ERBIN: variants seen among roughly 807,000 people sequenced by gnomAD.
The protein encoded by ERBIN is erbb2 interacting protein.
A neutral mutation model predicts 158.4 loss-of-function variants in ERBIN; 60 were observed. The observed-to-expected ratio is 0.38, with a 90% CI of 0.31 to 0.47. The LOEUF (loss-of-function observed/expected upper bound fraction) is 0.47, where lower values mean the gene tolerates loss of function less well. Ranked by LOEUF, ERBIN falls within the 20% of genes least tolerant of loss-of-function variation. The pLI is 0.99. For missense variants in ERBIN, 1,610 were observed against 1,648.0 expected (o/e 0.98, Z 0.40); for synonymous variants, 594 against 557.2 (o/e 1.07, Z -0.93).
chr5:66,078,963 A>AT lies in ERBIN; in HGVS notation c.*433_*434insT, dbSNP rs1278221097. On this transcript the variant is annotated 3_prime_UTR_variant, in exon 26 of 26. Coordinates refer to ENST00000284037, the MANE Select transcript of ERBIN (RefSeq NM_001253697.2). ...AACTGGTATTAATGTTTTTCTCCTG[A>AT]AACTACTTTTTTTGATGTGGGCAAG... 2.5e-5 allele frequency: 4 copies of AT among 161,764 alleles called. No homozygotes were observed. The highest frequency in any genetic ancestry group is 5.4e-5 in the Non-Finnish European group (4 of 74,290). 10.0% of individuals were successfully genotyped at this position (161,764 alleles called of 1,614,324 possible). A position where few individuals can be genotyped will look rare whatever the true frequency, so the allele number is the denominator to read the frequency against.
intron 4 of ERBIN, among the ~76,000 whole-genome samples, chr5:65,998,639 G>A (rs964095002): frequency 2.0e-5 from 3 of 152,084 alleles, no homozygotes; most frequent in African/African-American, 7.2e-5. Context: ...GCTCACACCT[G>A]TAATCCCAGC....
chr5:66,024,386 A>G lies in ERBIN; in HGVS notation c.753A>G (p.Thr251=), dbSNP rs951939232. ...AAATGGTTGAAGAAGGAATTTCAAC[A>G]TGTGAAAACCTTCAAGACCTCCTAT... The part of the protein sequence containing the change: ...NIEMVEEGIS[T]CENLQDLLLS... The change falls in exon 10 of 26, where the codon ACA becomes ACG. Residue 251 remains threonine (T), a synonymous_variant. Transcript: ENST00000284037. The G allele has an allele frequency of 6.2e-7, 1 of 1,607,598 alleles. No individual in the cohort carries two copies. The highest frequency in any genetic ancestry group is 8.5e-7 in the Non-Finnish European group (1 of 1,177,504).
At chr5:65,977,885 G>A (rs948282067) in intron 1 of ERBIN, among the ~76,000 whole-genome samples, 2 of 151,780 alleles carry the variant, frequency 1.3e-5, no homozygotes, top group African/African-American at 4.8e-5. Context: ...CTGAGTGAAC[G>A]AGACTCCGTC....
intron 2 of ERBIN, among the ~76,000 whole-genome samples, chr5:65,992,358 C>T (rs999809947): frequency 2.0e-5 from 3 of 152,014 alleles, no homozygotes; most frequent in Admixed American, 1.3e-4. Context: ...CTCTGTTAGC[C>T]GGGATGGTCT....
At position 66,081,001 on chromosome 5, in the gene ERBIN, A is replaced by G. The variant is rs1762361187; in HGVS notation, c.*2471A>G. 1 of 152,002 alleles carries G rather than the reference A, an allele frequency of 6.6e-6. No individual in the cohort carries two copies. Among genetic ancestry groups the G allele is most frequent in the Non-Finnish European group, 1.5e-5 (1 of 67,874 alleles). 9.4% of individuals were successfully genotyped at this position (152,002 alleles called of 1,614,324 possible). ...TGTAATAAAGTTTCAAAATTTGAAT[A>G]AAATAATTAAATTTTTTGAGGAAGT... On this transcript the variant is annotated 3_prime_UTR_variant, in exon 26 of 26. Transcript: ENST00000284037.
At position 65,971,553 on chromosome 5, in the gene ERBIN, T is replaced by C. The variant is rs377209755; in HGVS notation, c.-57-17082T>C. On this transcript the variant is annotated intron_variant, in intron 1 of 25. Coordinates refer to ENST00000284037, the MANE Select transcript of ERBIN (RefSeq NM_001253697.2). ...AGGTAATAAGGATGTAATAGTTTCTTATGGACACTCAACAGCTAGAATGCA... is the reference window on the plus strand; with the variant it reads ...AGGTAATAAGGATGTAATAGTTTCTCATGGACACTCAACAGCTAGAATGCA... Among the ~76,000 whole-genome samples, 22 of 152,310 alleles carry C rather than the reference T, an allele frequency of 1.4e-4. No individual in the cohort carries two copies. In the South Asian group the frequency reaches 3.1e-3, roughly 22 times the overall value.
intron 21 of ERBIN, among the ~76,000 whole-genome samples, chr5:66,056,495 TAAG>T (rs76396848): frequency 0.17 from 25,323 of 151,968 alleles, 2,640 homozygotes; most frequent in East Asian, 0.45. Flanking sequence ...TTTCAGTACA[TAAG>T]AAGCAAGTAG....
intron 14 of ERBIN, among the ~76,000 whole-genome samples, chr5:66,034,245 T>C (rs1458240322): frequency 6.6e-6 from 1 of 151,184 alleles, no homozygotes; most frequent in Non-Finnish European, 1.5e-5. Context: ...GGAGAGGAAA[T>C]AGTGTACATT....
chr5:66,000,148 A>G (rs886953732), intron 4 of ERBIN, among the ~76,000 whole-genome samples: 3 of 152,210 alleles, frequency 2.0e-5, no homozygotes, highest in African/African-American at 7.2e-5. Context: ...TAATTTGGGT[A>G]TTGATTAAAA....
At chr5:66,048,907 C>A (rs1312039907) in intron 19 of ERBIN, 126 bp downstream of exon 19, 23 of 557,982 alleles carry the variant, frequency 4.1e-5, no homozygotes, top group Non-Finnish European at 6.4e-5. Context: ...TTAGACATGG[C>A]TTTCTGAAAG....
intron 1 of ERBIN, among the ~76,000 whole-genome samples, chr5:65,984,384 C>T (rs1750985370): frequency 6.6e-6 from 1 of 152,226 alleles, no homozygotes; most frequent in Non-Finnish European, 1.5e-5. Flanking sequence ...GCCCGTTTCC[C>T]CTGCTGGCTG....
intron 1 of ERBIN, among the ~76,000 whole-genome samples, chr5:65,948,062 A>G (rs1746014925): frequency 6.6e-6 from 1 of 151,864 alleles, no homozygotes; most frequent in African/African-American, 2.4e-5. Flanking sequence ...TTGTTTATGT[A>G]AGAGCTATTG....
intron 1 of ERBIN, among the ~76,000 whole-genome samples, chr5:65,930,560 G>A (rs767592718): frequency 1.3e-5 from 2 of 152,094 alleles, no homozygotes; most frequent in South Asian, 2.1e-4. Context: ...TGCCCACCTC[G>A]GCCTCTCAAA....
intron 1 of ERBIN, among the ~76,000 whole-genome samples, chr5:65,964,741 CTTTT>C (rs70987103): frequency 3.3e-5 from 4 of 119,476 alleles, no homozygotes; most frequent in Non-Finnish European, 4.9e-5. Flanking sequence ...CCAGAGCAAT[CTTTT>C]TTTTTTTTTT....
At chr5:66,008,562 G>T (rs114963891) in intron 4 of ERBIN, among the ~76,000 whole-genome samples, 3 of 152,080 alleles carry the variant, frequency 2.0e-5, no homozygotes, top group African/African-American at 7.2e-5. Context: ...TCTTGAAATT[G>T]TTCTCCATAT....
At chr5:66,069,243 T>A (rs1381020839) in intron 21 of ERBIN, among the ~76,000 whole-genome samples, 1 of 152,212 alleles carries the variant, frequency 6.6e-6, no homozygotes, top group Non-Finnish European at 1.5e-5. Context: ...TCAGCCCTTG[T>A]TTATGCAAAA....
chr5:66,054,859 C>T lies in ERBIN; in HGVS notation c.3541C>T (p.His1181Tyr). The T allele has an allele frequency of 6.2e-7, 1 of 1,614,110 alleles. No individual in the cohort carries two copies. The highest frequency in any genetic ancestry group is 8.5e-7 in the Non-Finnish European group (1 of 1,179,984). The change falls in exon 21 of 26, where the codon CAT (histidine) becomes TAT (tyrosine). Residue 1181 changes from histidine to tyrosine, a missense_variant. His to Tyr is a moderately conservative substitution (Grantham distance 83). This residue lies in a region of ERBIN where 1,014 missense variants were observed against 936.1 expected (regional missense o/e 1.08). Coordinates refer to ENST00000284037, the MANE Select transcript of ERBIN (RefSeq NM_001253697.2). ...KRPNARVGSE[H>Y]SLLDPPGKSK... is the part of the protein sequence containing the mutation. The stretch of plus-strand genomic sequence containing the variant: ...ACCAAATGCAAGGGTTGGTTCTGAG[C>T]ATTCTTTATTAGATCCTCCAGGAAA...
rs939803994 is a variant in ERBIN, at chr5:66,054,366, A to G, written c.3048A>G (p.Thr1016=). Residue 1016 remains threonine (T), a synonymous_variant, in exon 21 of 26, where the codon ACA becomes ACG. Coordinates refer to ENST00000284037, the MANE Select transcript of ERBIN (RefSeq NM_001253697.2). ...AGCTCCTTCCTAGATCAGAGAGCAC[A>G]GAAAATCAAAGTTATGCTAAACATT... The part of the protein sequence containing the change: ...PPQLLPRSES[T]ENQSYAKHSA... 1.2e-6 allele frequency: 2 copies of G among 1,614,206 alleles called. No homozygotes were observed. Among genetic ancestry groups the G allele is most frequent in the Non-Finnish European group, 1.7e-6 (2 of 1,180,024 alleles).
chr5:65,947,950 T>C (rs1745982124), intron 1 of ERBIN, among the ~76,000 whole-genome samples: 1 of 149,186 alleles, frequency 6.7e-6, no homozygotes, highest in South Asian at 2.1e-4. Context: ...GAGGTTGCAG[T>C]GAGCCGTGAT....
Sources: allele counts gnomAD v4.1 joint callset (sites outside exome capture counted in the v4.1 genomes callset), GRCh38; gene constraint gnomAD v4.1.1; regional missense constraint gnomAD v4.1.1; transcripts MANE v1.5; gene names NCBI Gene and HGNC (gene_info 2026-07-23, HGNC 2026-07-21).